HS2ST1: variants seen among roughly 807,000 people sequenced by gnomAD.
HS2ST1 encodes the protein heparan sulfate 2-O-sulfotransferase 1, also known as 2-O-sulfotransferase.
A neutral mutation model predicts 42.9 loss-of-function variants in HS2ST1; 18 were observed. The observed-to-expected ratio is 0.42, with a 90% confidence interval of 0.29 to 0.62. The LOEUF (loss-of-function observed/expected upper bound fraction) is 0.62. Among genes scored for constraint, HS2ST1 ranks in the 20% least tolerant of loss-of-function variants. The pLI, the probability that HS2ST1 is intolerant of heterozygous loss-of-function variation, is 0.21. For missense variants in HS2ST1, 334 were observed against 433.8 expected (o/e 0.77, Z 2.04); for synonymous variants, 146 against 152.9 (o/e 0.95, Z 0.33).
At chr1:87,034,030 A>G (rs1040803113) in intron 1 of HS2ST1, among the ~76,000 whole-genome samples, 2 of 152,226 alleles carry the variant, frequency 1.3e-5, no homozygotes, top group African/African-American at 4.8e-5. Context: ...TCTAATGAGT[A>G]ATATTTTGCA....
At chr1:86,989,985 G>A (rs1256277348) in intron 1 of HS2ST1, among the ~76,000 whole-genome samples, 1 of 151,762 alleles carries the variant, frequency 6.6e-6, no homozygotes, top group Admixed American at 6.6e-5. Flanking sequence ...CATTTGGGTG[G>A]GTTCCAAGTC....
chr1:86,994,781 T>C (rs1649051542), intron 1 of HS2ST1, among the ~76,000 whole-genome samples: 1 of 152,138 alleles, frequency 6.6e-6, no homozygotes, highest in African/African-American at 2.4e-5. Context: ...CATTTTTGCT[T>C]AACACTCTTG....
At chr1:86,923,057 C>T (rs1045083612) in intron 1 of HS2ST1, among the ~76,000 whole-genome samples, 1 of 152,088 alleles carries the variant, frequency 6.6e-6, no homozygotes, top group African/African-American at 2.4e-5. Context: ...ATAGTTTTTA[C>T]TGCTAGGTCT....
chr1:87,017,117 G>A (rs1022964170), intron 1 of HS2ST1, among the ~76,000 whole-genome samples: 2 of 151,914 alleles, frequency 1.3e-5, no homozygotes, highest in African/African-American at 4.8e-5. Context: ...TGTGTCTAGT[G>A]TAGCAGCCTT....
At chr1:86,934,211 G>A (rs367736020) in intron 1 of HS2ST1, among the ~76,000 whole-genome samples, 9 of 152,154 alleles carry the variant, frequency 5.9e-5, no homozygotes, top group East Asian at 3.8e-4. Context: ...GTGAAACCTC[G>A]GATGAGGGGA....
chr1:86,972,206 A>G (rs1235475995), intron 1 of HS2ST1, among the ~76,000 whole-genome samples: 2 of 152,200 alleles, frequency 1.3e-5, no homozygotes, highest in East Asian at 3.8e-4. Flanking sequence ...TACCTCCTTC[A>G]TCCTAGGTTT....
At chr1:86,985,164 G>T (rs1189091443) in intron 1 of HS2ST1, among the ~76,000 whole-genome samples, 3 of 149,560 alleles carry the variant, frequency 2.0e-5, no homozygotes, top group African/African-American at 7.4e-5. Context: ...CACCATCCTG[G>T]CTAACACGGT....
chr1:86,968,668 A>G (rs1648136270), intron 1 of HS2ST1, among the ~76,000 whole-genome samples: 1 of 152,004 alleles, frequency 6.6e-6, no homozygotes, highest in Admixed American at 6.6e-5. Context: ...CGCCTTCCTA[A>G]GTGGTGGATT....
At chr1:87,095,942 G>A (rs908062665) in intron 4 of HS2ST1, among the ~76,000 whole-genome samples, 1 of 150,054 alleles carries the variant, frequency 6.7e-6, no homozygotes, top group East Asian at 1.9e-4. Context: ...TTTATCATCT[G>A]GCTTACTATA....
chr1:86,916,955 AC>A (rs1434789695), intron 1 of HS2ST1, among the ~76,000 whole-genome samples: 1 of 152,192 alleles, frequency 6.6e-6, no homozygotes, highest in Non-Finnish European at 1.5e-5. Flanking sequence ...GCTTCCATAG[AC>A]ACAATCTGAA....
At chr1:87,009,422 A>G (rs1346751865) in intron 1 of HS2ST1, among the ~76,000 whole-genome samples, 6 of 152,216 alleles carry the variant, frequency 3.9e-5, no homozygotes. Flanking sequence ...CTGACATACA[A>G]CTAGCCAGTT....
chr1:86,996,586 A>G (rs1649110376), intron 1 of HS2ST1, among the ~76,000 whole-genome samples: 1 of 152,190 alleles, frequency 6.6e-6, no homozygotes, highest in South Asian at 2.1e-4. Context: ...AAGCCTCTAC[A>G]GATGAGACAT....
intron 1 of HS2ST1, among the ~76,000 whole-genome samples, chr1:86,998,134 TA>T (rs925994994): frequency 3.3e-5 from 5 of 152,214 alleles, no homozygotes; most frequent in African/African-American, 1.2e-4. Flanking sequence ...CATAATTCTT[TA>T]AGTCATCTTT....
At chr1:87,006,249 T>A (rs1649435123) in intron 1 of HS2ST1, among the ~76,000 whole-genome samples, 2 of 152,110 alleles carry the variant, frequency 1.3e-5, no homozygotes, top group South Asian at 2.1e-4. Context: ...ATGAAACAAT[T>A]TAGCATTGAC....
In HS2ST1 at chr1:86,929,946, A is replaced by T. The variant is rs540422279; in HGVS notation, c.124+14786A>T. On this transcript the variant is annotated intron_variant, in intron 1 of 6. Transcript: ENST00000370550. Reference sequence around the variant, plus strand: ...AATATTTATTGCCAAGATTTTGAGGATGACTTTAGAAAAGACAAAATTCTT... The same window carrying T: ...AATATTTATTGCCAAGATTTTGAGGTTGACTTTAGAAAAGACAAAATTCTT... 3.3e-5 allele frequency among the ~76,000 whole-genome samples: 5 copies of T among 151,934 alleles called. No homozygotes were observed. The South Asian group carries it at 1.0e-3, about 31-fold the overall frequency.
intron 1 of HS2ST1, among the ~76,000 whole-genome samples, chr1:86,934,210 C>G (rs1182845742): frequency 3.3e-5 from 5 of 152,086 alleles, no homozygotes; most frequent in Admixed American, 2.0e-4. Context: ...TGTGAAACCT[C>G]GGATGAGGGG....
At chr1:87,075,724 A>G (rs1347267611) in intron 2 of HS2ST1, among the ~76,000 whole-genome samples, 7 of 152,108 alleles carry the variant, frequency 4.6e-5, no homozygotes, top group Non-Finnish European at 8.8e-5. Context: ...TACATACTAT[A>G]TTAGGTATTG....
At chr1:86,991,378 C>T (rs951864891) in intron 1 of HS2ST1, among the ~76,000 whole-genome samples, 3 of 152,068 alleles carry the variant, frequency 2.0e-5, no homozygotes, top group Admixed American at 6.6e-5. Context: ...AAGGAAAATG[C>T]GTACAGAAAA....
At chr1:86,996,045 A>G (rs530724797) in intron 1 of HS2ST1, among the ~76,000 whole-genome samples, 1 of 152,300 alleles carries the variant, frequency 6.6e-6, no homozygotes, top group African/African-American at 2.4e-5. Flanking sequence ...CTCTAAAAAG[A>G]TAGCCATTTT....
Sources: allele counts gnomAD v4.1 joint callset (sites outside exome capture counted in the v4.1 genomes callset), GRCh38; gene constraint gnomAD v4.1.1; transcripts MANE v1.5; gene names NCBI Gene and HGNC (gene_info 2026-07-23, HGNC 2026-07-21).